The following HS6ST3 variants were observed in gnomAD, a reference collection of about 807,000 sequenced individuals.
HS6ST3 encodes heparan-sulfate 6-O-sulfotransferase 3.
HS6ST3 carries 12 observed loss-of-function variants against 36.7 expected under a neutral mutation model. The observed-to-expected ratio is 0.33, with a 90% CI of 0.21 to 0.53. The LOEUF is 0.53. HS6ST3 is among the 20% of genes least tolerant of loss of function. The pLI is 0.95. For synonymous variants in HS6ST3, 240 were observed against 257.5 expected (o/e 0.93, Z 0.65); for missense variants, 584 against 640.9 (o/e 0.91, Z 0.96).
rs548554870 is a variant in HS6ST3 at position 96,799,516 on chromosome 13, TAAACTATCGCAAGAACAAA to T, written c.708-32969_708-32951del. Among the ~76,000 whole-genome samples the T allele has an allele frequency of 2.6e-5, 4 of 151,598 alleles. No individual in the cohort carries two copies. In the East Asian group the frequency reaches 7.8e-4, roughly 30 times the overall value. On this transcript the variant is annotated intron_variant, in intron 1 of 1. Transcript: ENST00000376705. ...TGAAATTGGAAATCATCATTCTCAG[TAAACTATCGCAAGAACAAA>T]AAACCAAACACCGCATATTCTCACT... is the stretch of plus-strand genomic sequence containing the variant.
At chr13:96,129,190 T>A (rs1225709820) in intron 1 of HS6ST3, among the ~76,000 whole-genome samples, 1 of 152,218 alleles carries the variant, frequency 6.6e-6, no homozygotes, top group East Asian at 1.9e-4. Context: ...TTTCTCTGTC[T>A]CACTTTCTAA....
chr13:96,377,527 G>A lies in HS6ST3; in HGVS notation c.707+285958G>A, dbSNP rs147166103. On this transcript the variant is annotated intron_variant, in intron 1 of 1. Coordinates refer to ENST00000376705, the MANE Select transcript of HS6ST3 (RefSeq NM_153456.4). ...ATTTAGATCTTCTAGACATAGTTAT[G>A]AGCACTAATAGCAGCAGTTGTACAA... Among the ~76,000 whole-genome samples the A allele has an allele frequency of 6.8e-3, 1,031 of 152,222 alleles. 10 individuals are homozygous for A. The highest frequency in any genetic ancestry group is 0.024 in the African/African-American group (979 of 41,532).
chr13:96,159,134 A>G (rs2054124557), intron 1 of HS6ST3, among the ~76,000 whole-genome samples: 1 of 152,168 alleles, frequency 6.6e-6, no homozygotes, highest in African/African-American at 2.4e-5. Context: ...ATCCAGAGGA[A>G]GTGACAGCAG....
chr13:96,611,379 T>A (rs1302292690), intron 1 of HS6ST3, among the ~76,000 whole-genome samples: 2 of 152,130 alleles, frequency 1.3e-5, no homozygotes, highest in African/African-American at 4.8e-5. Flanking sequence ...TAGTAGTTTT[T>A]ATATCAAATA....
intron 1 of HS6ST3, among the ~76,000 whole-genome samples, chr13:96,332,272 A>G (rs1413144626): frequency 6.6e-6 from 1 of 152,108 alleles, no homozygotes; most frequent in African/African-American, 2.4e-5. Flanking sequence ...ATTTTGTTAC[A>G]CAACAGTTTT....
At chr13:96,210,019 A>G (rs559291909) in intron 1 of HS6ST3, among the ~76,000 whole-genome samples, 13 of 152,180 alleles carry the variant, frequency 8.5e-5, no homozygotes, top group Non-Finnish European at 1.6e-4. Flanking sequence ...GTTTACTGCT[A>G]TAGAACAGAG....
At chr13:96,522,418 C>T (rs76884907) in intron 1 of HS6ST3, among the ~76,000 whole-genome samples, 119,145 of 151,962 alleles carry the variant, frequency 0.78, 48,662 homozygotes, top group Non-Finnish European at 0.9. Flanking sequence ...TAATTTTCTG[C>T]CTCATTGATC....
intron 1 of HS6ST3, among the ~76,000 whole-genome samples, chr13:96,336,649 CTTTGAT>C (rs1435327496): frequency 2.0e-5 from 3 of 152,192 alleles, no homozygotes; most frequent in Non-Finnish European, 4.4e-5. Context: ...CCTGCCTACA[CTTTGAT>C]CTTGGACTTC....
intron 1 of HS6ST3, among the ~76,000 whole-genome samples, chr13:96,386,341 T>C (rs1240291924): frequency 1.3e-5 from 2 of 152,102 alleles, no homozygotes; most frequent in African/African-American, 2.4e-5. Flanking sequence ...ATTCTGCCGA[T>C]ATACTTGCAC....
intron 1 of HS6ST3, among the ~76,000 whole-genome samples, chr13:96,208,613 A>G (rs950174439): frequency 1.1e-4 from 17 of 152,302 alleles, no homozygotes; most frequent in African/African-American, 3.4e-4. Flanking sequence ...TTTGAGAATT[A>G]GTTACTGTAT....
At chr13:96,139,175 G>GT (rs916566288) in intron 1 of HS6ST3, among the ~76,000 whole-genome samples, 5 of 151,602 alleles carry the variant, frequency 3.3e-5, no homozygotes, top group South Asian at 4.2e-4. Context: ...AAGAAGCACC[G>GT]TTTTTTTTCT....
chr13:96,353,732 C>G (rs370071931), intron 1 of HS6ST3, among the ~76,000 whole-genome samples: 1 of 151,784 alleles, frequency 6.6e-6, no homozygotes, highest in African/African-American at 2.4e-5. Context: ...GATTTCCTTA[C>G]GTATAAAGAG....
intron 1 of HS6ST3, among the ~76,000 whole-genome samples, chr13:96,286,164 TTGTC>T (rs2054801130): frequency 6.6e-6 from 1 of 152,164 alleles, no homozygotes. Flanking sequence ...GAGGCTGACA[TTGTC>T]TGACAAGTGG....
intron 1 of HS6ST3, among the ~76,000 whole-genome samples, chr13:96,724,195 T>C (rs866645896): frequency 3.0e-4 from 45 of 152,120 alleles, no homozygotes; most frequent in African/African-American, 9.9e-4. Context: ...CACAAAACAG[T>C]AGTATGTATT....
chr13:96,638,143 A>C (rs534027045), intron 1 of HS6ST3, among the ~76,000 whole-genome samples: 117 of 152,220 alleles, frequency 7.7e-4, no homozygotes, highest in Non-Finnish European at 1.5e-3. Flanking sequence ...CAGGCAAAGC[A>C]TGATGAGTTG....
chr13:96,587,127 C>T (rs527264443), intron 1 of HS6ST3, among the ~76,000 whole-genome samples: 2 of 152,210 alleles, frequency 1.3e-5, no homozygotes, highest in African/African-American at 4.8e-5. Flanking sequence ...TTCCTGGGTT[C>T]TCTCTTCTGT....
At chr13:96,257,578 G>A (rs2054643151) in intron 1 of HS6ST3, among the ~76,000 whole-genome samples, 1 of 152,010 alleles carries the variant, frequency 6.6e-6, no homozygotes, top group Non-Finnish European at 1.5e-5. Flanking sequence ...AATAATAGTA[G>A]CTACTTCATA....
intron 1 of HS6ST3, among the ~76,000 whole-genome samples, chr13:96,116,764 G>A: frequency 6.6e-6 from 1 of 152,248 alleles, no homozygotes; most frequent in African/African-American, 2.4e-5. Flanking sequence ...TGAGAGAGGA[G>A]GACTAGAGAG....
Position 96,559,071 on chromosome 13 carries a change from AATCTATCTATCTATCTATCT to A in HS6ST3, c.708-273384_708-273365del, listed in dbSNP as rs3051060. 7.4e-3 allele frequency among the ~76,000 whole-genome samples: 1,099 copies of A among 147,542 alleles called. 6 individuals are homozygous for A. The highest frequency in any genetic ancestry group is 0.012 in the African/African-American group (463 of 39,832). The stretch of plus-strand genomic sequence containing the variant: ...ACCAATTCTAAGTGAGAATCTATAT[AATCTATCTATCTATCTATCT>A]ATCTATCTATCTATCTATCTATCTA... On this transcript the variant is annotated intron_variant, in intron 1 of 1. Transcript: ENST00000376705.
Sources: gnomAD v4.1 joint callset for allele counts (sites outside exome capture counted in the v4.1 genomes callset) on GRCh38, gnomAD v4.1.1 for gene constraint, MANE v1.5 for transcripts, NCBI Gene and HGNC (gene_info 2026-07-23, HGNC 2026-07-21) for gene names.